The following GADD45B variants were observed in gnomAD, a reference collection of about 807,000 sequenced individuals.
GADD45B encodes the protein growth arrest and DNA damage-inducible protein GADD45 beta.
A neutral mutation model predicts 15.2 loss-of-function variants in GADD45B; 8 were observed. The observed-to-expected ratio is 0.53, with a 90% CI of 0.31 to 0.95. The LOEUF (loss-of-function observed/expected upper bound fraction) is 0.95. Among genes scored for constraint, GADD45B ranks in the 40% least tolerant of loss-of-function variants. The pLI is 0.05. For missense variants in GADD45B, 162 were observed against 216.6 expected, an observed-to-expected ratio of 0.75 and a Z score of 1.58; for synonymous variants, 100 against 89.8, an observed-to-expected ratio of 1.11 and a Z score of -0.64.
rs1972347271 is a variant in GADD45B at position 2,478,248 on chromosome 19, C to G, written c.*647C>G. On this transcript the variant is annotated 3_prime_UTR_variant, in exon 4 of 4. Coordinates refer to ENST00000215631, the MANE Select transcript of GADD45B (RefSeq NM_015675.4). ...ACTATGAGGGCCTTGTAATAAATTT[C>G]TAAAGCCTCTGGTTGCTTGTATGTT... is the stretch of plus-strand genomic sequence containing the variant. The G allele has an allele frequency of 6.6e-6, 1 of 152,070 alleles. No homozygotes were observed. The highest frequency in any genetic ancestry group is 2.1e-4 in the South Asian group (1 of 4,830). The allele number at this position is 152,070 out of a possible 1,614,324, so 9.4% of individuals were successfully genotyped here.
At chr19:2,476,739 G>T in intron 2 of GADD45B, 109 bp downstream of exon 2, 1 of 691,938 alleles carries the variant, frequency 1.4e-6, no homozygotes. Context: ...TTCCCCAAGT[G>T]CCCCCCGCTG....
In GADD45B at chr19:2,476,135, G is replaced by C. The variant is rs1254162903; in HGVS notation, c.-224G>C. On this transcript the variant is annotated 5_prime_UTR_variant, in exon 1 of 4. Transcript: ENST00000215631. ...CCGGAGGCTCCCAGCTCAGATCGCCGAAGCGTCGGACTACCGTTGGTTTCC... is the reference window on the plus strand; with the variant it reads ...CCGGAGGCTCCCAGCTCAGATCGCCCAAGCGTCGGACTACCGTTGGTTTCC... 1.8e-5 allele frequency: 11 copies of C among 598,440 alleles called. 1 individual carries two copies. The East Asian group carries it at 2.2e-4, about 12-fold the overall frequency. The allele number at this position is 598,440 out of a possible 1,614,324, so 37.1% of individuals were successfully genotyped here.
Position 2,477,271 on chromosome 19 carries a change from T to C in GADD45B, c.369+20T>C, listed in dbSNP as rs1972330587. On this transcript the variant is annotated intron_variant, in intron 3 of 3. Transcript: ENST00000215631. This position sits in a 1 kb window ranked among gnomAD's most constrained non-coding sequence, Gnocchi z 4.2. ...GTCACGGTGAGTCGGGCCTCTGCCC[T>C]GCCCCGCCACGCCCGGGCACCTGGG... 1 of 1,462,578 alleles carries C rather than the reference T, an allele frequency of 6.8e-7. No homozygotes were observed. The highest frequency in any genetic ancestry group is 9.2e-7 in the Non-Finnish European group (1 of 1,088,650). 90.6% of individuals were successfully genotyped at this position (1,462,578 alleles called of 1,614,324 possible). A position where few individuals can be genotyped will look rare whatever the true frequency, so the allele number is the denominator to read the frequency against.
In GADD45B at chr19:2,477,369, G is replaced by C. The variant is rs1311518315; in HGVS notation, c.369+118G>C. On this transcript the variant is annotated intron_variant, in intron 3 of 3. Coordinates refer to ENST00000215631, the MANE Select transcript of GADD45B (RefSeq NM_015675.4). This position sits in a 1 kb window ranked among gnomAD's most constrained non-coding sequence, Gnocchi z 4.2. The stretch of plus-strand genomic sequence containing the variant: ...CGCTCAGCCACGTTTGGCATGTCCC[G>C]TGGGCAGCCGGGCTGGGGCCTCCTC... 2 of 1,011,024 alleles carry C rather than the reference G, an allele frequency of 2.0e-6. No individual in the cohort carries two copies. Among genetic ancestry groups the C allele is most frequent in the Admixed American group, 2.3e-5 (1 of 42,578 alleles). The allele number at this position is 1,011,024 out of a possible 1,614,324, so 62.6% of individuals were successfully genotyped here.
In GADD45B at chr19:2,477,425, T is replaced by C. The variant is rs953718490; in HGVS notation, c.370-63T>C. 1.6e-6 allele frequency: 2 copies of C among 1,219,710 alleles called. No individual in the cohort carries two copies. Among genetic ancestry groups the C allele is most frequent in the Admixed American group, 2.0e-5 (1 of 49,378 alleles). The allele number at this position is 1,219,710 out of a possible 1,614,324, so 75.6% of individuals were successfully genotyped here. A position where few individuals can be genotyped will look rare whatever the true frequency, so the allele number is the denominator to read the frequency against. ...GGAAGCTATTTTGAGCCTGACTGTT[T>C]TCCCCACACAGGGGCCCCGGGAGAG... On this transcript the variant is annotated intron_variant, in intron 3 of 3. Coordinates refer to ENST00000215631, the MANE Select transcript of GADD45B (RefSeq NM_015675.4). The surrounding 1 kb of genome is among the most constrained non-coding windows in gnomAD (Gnocchi z 4.2).
chr19:2,476,764 C>G (rs939642617), intron 2 of GADD45B, 134 bp downstream of exon 2: 2 of 641,766 alleles, frequency 3.1e-6, no homozygotes, highest in Admixed American at 5.9e-5. Flanking sequence ...TGCAGAGCTT[C>G]TCTGCCGTTT....
In GADD45B at chr19:2,477,888, G is replaced by A. The variant is rs1483472759; in HGVS notation, c.*287G>A. The A allele has an allele frequency of 3.6e-6, 1 of 280,528 alleles. No individual in the cohort carries two copies. The highest frequency in any genetic ancestry group is 3.8e-5 in the South Asian group (1 of 26,490). 17.4% of individuals were successfully genotyped at this position (280,528 alleles called of 1,614,324 possible). A position where few individuals can be genotyped will look rare whatever the true frequency, so the allele number is the denominator to read the frequency against. ...CCCGAAGCTGAGGCCTTGGGATGGA[G>A]CAGAAGCCGGAGTGGCGGGGCACGC... is the stretch of plus-strand genomic sequence containing the variant. On this transcript the variant is annotated 3_prime_UTR_variant, in exon 4 of 4. Coordinates refer to ENST00000215631, the MANE Select transcript of GADD45B (RefSeq NM_015675.4). The surrounding 1 kb of genome is among the most constrained non-coding windows in gnomAD (Gnocchi z 4.2).
intron 2 of GADD45B, 118 bp from the exon 3 acceptor site, chr19:2,476,911 C>A: frequency 1.5e-6 from 1 of 678,380 alleles, no homozygotes. Context: ...AGAGGCAATC[C>A]CCTGCACCCT....
At chr19:2,476,943 G>A in intron 2 of GADD45B, 86 bp from the exon 3 acceptor site, 1 of 829,730 alleles carries the variant, frequency 1.2e-6, no homozygotes, top group Non-Finnish European at 2.0e-6. Flanking sequence ...TTTTGCTCTT[G>A]CACGCTCCTT....
At position 2,477,097 on chromosome 19, in the gene GADD45B, A is replaced by G; in HGVS notation, c.215A>G (p.Gln72Arg). The G allele has an allele frequency of 6.2e-7, 1 of 1,614,018 alleles. No homozygotes were observed. Among genetic ancestry groups the G allele is most frequent in the Non-Finnish European group, 8.5e-7 (1 of 1,179,966 alleles). Residue 72 changes from glutamine (Q) to arginine (R), a missense_variant, in exon 3 of 4, where the codon CAA (glutamine) becomes CGA (arginine). Coordinates refer to ENST00000215631, the MANE Select transcript of GADD45B (RefSeq NM_015675.4). This position sits in a 1 kb window ranked among gnomAD's most constrained non-coding sequence, Gnocchi z 4.2. Reference protein sequence around the residue: ...DEEEEDDIALQIHFTLIQSFC... With the variant: ...DEEEEDDIALRIHFTLIQSFC... ...GAGGAGGAGGATGACATCGCCCTGC[A>G]AATCCACTTCACGCTCATCCAGTCC...
At chr19:2,476,932 CT>C in intron 2 of GADD45B, 96 bp from the exon 3 acceptor site, 2 of 757,890 alleles carry the variant, frequency 2.6e-6, no homozygotes, top group Non-Finnish European at 4.4e-6. Flanking sequence ...TGCAGTTTCT[CT>C]TTTGCTCTTG....
intron 2 of GADD45B, 36 bp from the exon 3 acceptor site, chr19:2,476,993 C>A (rs1440099321): frequency 1.4e-6 from 2 of 1,454,440 alleles, no homozygotes; most frequent in East Asian, 2.3e-5. Flanking sequence ...CTCCCCTGTC[C>A]CCGGCTGACC....
chr19:2,476,716 A>G (rs1228033846), intron 2 of GADD45B, 86 bp downstream of exon 2: 1 of 832,174 alleles, frequency 1.2e-6, no homozygotes, highest in African/African-American at 1.7e-5. Context: ...CTTGTCTTGC[A>G]TGGAGCTGGG....
At position 2,477,287 on chromosome 19, in the gene GADD45B, G is replaced by A. The variant is rs970875816; in HGVS notation, c.369+36G>A. On this transcript the variant is annotated intron_variant, in intron 3 of 3. Coordinates refer to ENST00000215631, the MANE Select transcript of GADD45B (RefSeq NM_015675.4). The surrounding 1 kb of genome is among the most constrained non-coding windows in gnomAD (Gnocchi z 4.2). ...CCTCTGCCCTGCCCCGCCACGCCCGGGCACCTGGGCCGGTGTTTGTCAACA... is the reference window on the plus strand; with the variant it reads ...CCTCTGCCCTGCCCCGCCACGCCCGAGCACCTGGGCCGGTGTTTGTCAACA... 14 of 1,386,178 alleles carry A rather than the reference G, an allele frequency of 1.0e-5. No homozygotes were observed. Among genetic ancestry groups the A allele is most frequent in the Non-Finnish European group, 1.4e-5 (14 of 1,017,840 alleles). The allele number at this position is 1,386,178 out of a possible 1,614,324, so 85.9% of individuals were successfully genotyped here.
At position 2,477,218 on chromosome 19, in the gene GADD45B, C is replaced by T. The variant is rs1419733143; in HGVS notation, c.336C>T (p.Thr112=). 6.3e-7 allele frequency: 1 copy of T among 1,599,934 alleles called. No homozygotes were observed. The highest frequency in any genetic ancestry group is 8.5e-7 in the Non-Finnish European group (1 of 1,176,428). ...LGEPAETQGT[T]EARDLHCLLV... ...AGCCGGCCGAGACCCAGGGCACCAC[C>T]GAGGCCCGAGACCTGCATTGTCTCC... is the stretch of plus-strand genomic sequence containing the variant. Residue 112 remains threonine, a synonymous_variant, in exon 3 of 4, where the codon ACC becomes ACT. Coordinates refer to ENST00000215631, the MANE Select transcript of GADD45B (RefSeq NM_015675.4). The surrounding 1 kb of genome is among the most constrained non-coding windows in gnomAD (Gnocchi z 4.2).
At position 2,476,144 on chromosome 19, in the gene GADD45B, GACT is replaced by G; in HGVS notation, c.-212_-210del. The G allele has an allele frequency of 5.0e-6, 3 of 605,402 alleles. No homozygotes were observed. Among genetic ancestry groups the G allele is most frequent in the Non-Finnish European group, 8.8e-6 (3 of 339,454 alleles). The allele number at this position is 605,402 out of a possible 1,614,324, so 37.5% of individuals were successfully genotyped here. On this transcript the variant is annotated 5_prime_UTR_variant, in exon 1 of 4. Coordinates refer to ENST00000215631, the MANE Select transcript of GADD45B (RefSeq NM_015675.4). ...CCCAGCTCAGATCGCCGAAGCGTCGGACTACCGTTGGTTTCCGCAACTTCCTGG... is the reference window on the plus strand; with the variant it reads ...CCCAGCTCAGATCGCCGAAGCGTCGGACCGTTGGTTTCCGCAACTTCCTGG...
Position 2,477,820 on chromosome 19 carries a change from T to A in GADD45B, c.*219T>A. On this transcript the variant is annotated 3_prime_UTR_variant, in exon 4 of 4. Coordinates refer to ENST00000215631, the MANE Select transcript of GADD45B (RefSeq NM_015675.4). This position sits in a 1 kb window ranked among gnomAD's most constrained non-coding sequence, Gnocchi z 4.2. The stretch of plus-strand genomic sequence containing the variant: ...AGATCCAGGAGCTGGCGGCCGCCGA[T>A]CCGATGGAGAAGGGGGGACCCAGGC... The A allele has an allele frequency of 2.6e-6, 1 of 391,704 alleles. No individual in the cohort carries two copies. 24.3% of individuals were successfully genotyped at this position (391,704 alleles called of 1,614,324 possible).
Position 2,476,185 on chromosome 19 carries a change from A to C in GADD45B, c.-174A>C. The C allele has an allele frequency of 1.5e-6, 1 of 686,362 alleles. No homozygotes were observed. The highest frequency in any genetic ancestry group is 3.5e-4 in the Middle Eastern group (1 of 2,834). The allele number at this position is 686,362 out of a possible 1,614,324, so 42.5% of individuals were successfully genotyped here. A position where few individuals can be genotyped will look rare whatever the true frequency, so the allele number is the denominator to read the frequency against. ...CGCAACTTCCTGGATTATCCTCGCC[A>C]AGGACTTTGCAATATATTTTTCCGC... On this transcript the variant is annotated 5_prime_UTR_variant, in exon 1 of 4. Transcript: ENST00000215631.
rs3783496 is a variant in GADD45B, at chr19:2,476,718, G to A, written c.146+88G>A. ...CGCTTTCCGCACGCTTGTCTTGCAT[G>A]GAGCTGGGACTTCCCCAAGTGCCCC... is the stretch of plus-strand genomic sequence containing the variant. On this transcript the variant is annotated intron_variant, in intron 2 of 3. Coordinates refer to ENST00000215631, the MANE Select transcript of GADD45B (RefSeq NM_015675.4). 1,962 of 816,606 alleles carry A rather than the reference G, an allele frequency of 2.4e-3. 36 individuals are homozygous for A. The highest frequency in any genetic ancestry group is 0.024 in the South Asian group (1,355 of 57,648). The allele number at this position is 816,606 out of a possible 1,614,324, so 50.6% of individuals were successfully genotyped here. A position where few individuals can be genotyped will look rare whatever the true frequency, so the allele number is the denominator to read the frequency against.
Sources: gnomAD v4.1 joint callset for allele counts on GRCh38, gnomAD v4.1.1 for gene constraint, Gnocchi (gnomAD v3.1) non-coding constraint, MANE v1.5 for transcripts, NCBI Gene and HGNC (gene_info 2026-07-23, HGNC 2026-07-21) for gene names.